AAMDC: variants seen among roughly 807,000 people sequenced by gnomAD.
AAMDC encodes the protein adipogenesis associated Mth938 domain containing, also known as mth938 domain-containing protein.
Under a neutral mutation model 15.5 loss-of-function variants are expected in AAMDC, and 16 were observed. The ratio of observed to expected loss-of-function variants is 1.03; its 90% CI spans 0.70 to 1.57. The LOEUF (loss-of-function observed/expected upper bound fraction) is 1.57. Among genes scored for constraint, AAMDC ranks in the 40% most tolerant of loss-of-function variants. The probability of loss-of-function intolerance (pLI) is 0.00; values close to 1 mark genes in which losing one functional copy is unlikely to be tolerated. For missense variants in AAMDC, 141 were observed against 144.9 expected, an observed-to-expected ratio of 0.97 and a Z score of 0.14; for synonymous variants, 51 against 51.6, an observed-to-expected ratio of 0.99 and a Z score of 0.05.
intron 5 of AAMDC, among the ~76,000 whole-genome samples, chr11:77,895,811 CA>C (rs1952493328): frequency 1.3e-5 from 2 of 152,068 alleles, no homozygotes; most frequent in South Asian, 4.2e-4. Flanking sequence ...CCCCAAACGT[CA>C]AAAAAGAGCA....
At chr11:77,857,122 A>G (rs1312756507) in intron 2 of AAMDC, among the ~76,000 whole-genome samples, 1 of 152,244 alleles carries the variant, frequency 6.6e-6, no homozygotes, top group African/African-American at 2.4e-5. Context: ...TCTTTAAGAT[A>G]AATCACCTTT....
chr11:77,821,182 T>A lies in AAMDC; in HGVS notation c.-78T>A. The A allele has an allele frequency of 2.8e-6, 1 of 357,842 alleles. No individual in the cohort carries two copies. The highest frequency in any genetic ancestry group is 5.0e-6 in the Non-Finnish European group (1 of 198,712). The allele number at this position is 357,842 out of a possible 1,614,324, so 22.2% of individuals were successfully genotyped here. A position where few individuals can be genotyped will look rare whatever the true frequency, so the allele number is the denominator to read the frequency against. The stretch of plus-strand genomic sequence containing the variant: ...AGATCCCGAAGCAGCGCTGGGAGCG[T>A]AAGTGCGGGCAGAGCACTGCGCCGT... On this transcript the variant is annotated 5_prime_UTR_variant, in exon 1 of 4. Transcript: ENST00000393427.
intron 5 of AAMDC, among the ~76,000 whole-genome samples, chr11:77,892,386 A>G (rs1952312251): frequency 6.6e-6 from 1 of 152,168 alleles, no homozygotes; most frequent in Non-Finnish European, 1.5e-5. Flanking sequence ...GTCAAAAAAT[A>G]TCTCACTGAG....
chr11:77,854,795 TG>T (rs1260469223), intron 2 of AAMDC, among the ~76,000 whole-genome samples: 1 of 152,188 alleles, frequency 6.6e-6, no homozygotes, highest in East Asian at 1.9e-4. Flanking sequence ...ACTGTCCCAG[TG>T]GGGACTCTGT....
rs377044804 is a variant in AAMDC at position 77,872,131 on chromosome 11, G to T, written c.229-44G>T. 7 of 1,589,654 alleles carry T rather than the reference G, an allele frequency of 4.4e-6. No individual in the cohort carries two copies. In the African/African-American group the frequency reaches 9.4e-5, roughly 21 times the overall value. On this transcript the variant is annotated intron_variant, in intron 3 of 3. Coordinates refer to ENST00000393427, the MANE Select transcript of AAMDC (RefSeq NM_024684.4). ...CTCATGGCAGTAAAGGAACCCCTGG[G>T]GGGCCTTTCCCCCTACTTACTCATC...
At chr11:77,834,316 C>G (rs1949580251) in intron 1 of AAMDC, among the ~76,000 whole-genome samples, 1 of 151,810 alleles carries the variant, frequency 6.6e-6, no homozygotes, top group South Asian at 2.1e-4. Context: ...TGCAAAGTTT[C>G]TACAGAAGTA....
chr11:77,893,214 T>A (rs1488475645), intron 5 of AAMDC, among the ~76,000 whole-genome samples: 1 of 152,242 alleles, frequency 6.6e-6, no homozygotes, highest in Non-Finnish European at 1.5e-5. Flanking sequence ...ACGGATTCAT[T>A]CCATATAAAA....
chr11:77,897,566 T>C (rs1472038364), intron 5 of AAMDC, among the ~76,000 whole-genome samples: 3 of 151,358 alleles, frequency 2.0e-5, no homozygotes, highest in Admixed American at 6.6e-5. Flanking sequence ...AGTGGTGGGA[T>C]CTCAGCTCAC....
rs72939416 is a variant in AAMDC at position 77,865,692 on chromosome 11, T to A, written c.133-4030T>A. Among the ~76,000 whole-genome samples, 504 of 152,364 alleles carry A rather than the reference T, an allele frequency of 3.3e-3. 1 individual carries two copies. The highest frequency in any genetic ancestry group is 3.6e-3 in the Non-Finnish European group (246 of 68,034). ...TTATGAGATGGGAGGGTAAGTTGGCTAGCAGACTTTTGGAAAAGATTTCCA... is the reference window on the plus strand; with the variant it reads ...TTATGAGATGGGAGGGTAAGTTGGCAAGCAGACTTTTGGAAAAGATTTCCA... On this transcript the variant is annotated intron_variant, in intron 2 of 3. Transcript: ENST00000393427.
intron 5 of AAMDC, among the ~76,000 whole-genome samples, chr11:77,896,808 G>GA (rs557401311): frequency 1.2e-3 from 164 of 142,580 alleles, no homozygotes; most frequent in Non-Finnish European, 2.0e-3. Context: ...AATAATGGAG[G>GA]AAAAAAAAAA....
intron 1 of AAMDC, among the ~76,000 whole-genome samples, chr11:77,826,644 A>G (rs1000675628): frequency 6.6e-6 from 1 of 152,148 alleles, no homozygotes; most frequent in Admixed American, 6.5e-5. Context: ...TCTGTCTCCA[A>G]CAACACCCAG....
chr11:77,865,801 T>C (rs141393940), intron 2 of AAMDC, among the ~76,000 whole-genome samples: 1 of 152,224 alleles, frequency 6.6e-6, no homozygotes, highest in South Asian at 2.1e-4. Context: ...TTGTATGAAA[T>C]GTTTCCTCTA....
At chr11:77,872,354 G>A (rs1413528854), downstream of AAMDC, 1 of 1,572,838 alleles carries the variant, frequency 6.4e-7, no homozygotes, top group African/African-American at 1.4e-5. Flanking sequence ...AAGTGCCTAT[G>A]CCTGTGACTG....
At chr11:77,826,037 C>A (rs1372805829) in intron 1 of AAMDC, among the ~76,000 whole-genome samples, 1 of 152,062 alleles carries the variant, frequency 6.6e-6, no homozygotes. Context: ...TCTGACAAGC[C>A]TGGCTAAGAT....
At chr11:77,851,373 G>C (rs772206223) in intron 2 of AAMDC, 24 of 152,214 alleles carry the variant, frequency 1.6e-4, no homozygotes, top group Non-Finnish European at 2.5e-4. Context: ...AGTTTCTTCT[G>C]CTCAAGACAG....
chr11:77,823,068 G>A (rs11237306), intron 1 of AAMDC, among the ~76,000 whole-genome samples: 1 of 151,978 alleles, frequency 6.6e-6, no homozygotes, highest in East Asian at 1.9e-4. Context: ...CAAAAAATTA[G>A]CCGGGCGTGG....
chr11:77,873,323 G>C (rs914579983), downstream of AAMDC, among the ~76,000 whole-genome samples: 1 of 152,142 alleles, frequency 6.6e-6, no homozygotes, highest in Non-Finnish European at 1.5e-5. Flanking sequence ...CTCACTGCAT[G>C]GCATTTAGTA....
intron 5 of AAMDC, among the ~76,000 whole-genome samples, chr11:77,898,995 G>A (rs755995515): frequency 5.3e-5 from 8 of 152,138 alleles, no homozygotes; most frequent in Non-Finnish European, 1.2e-4. Context: ...ACTCCAGCCT[G>A]GGTGATAGAG....
At chr11:77,850,175 A>G (rs1950314346) in intron 2 of AAMDC, among the ~76,000 whole-genome samples, 1 of 152,224 alleles carries the variant, frequency 6.6e-6, no homozygotes, top group African/African-American at 2.4e-5. Context: ...TTAGTTTAAA[A>G]AAGGACAGAG....
Sources: allele counts gnomAD v4.1 joint callset (sites outside exome capture counted in the v4.1 genomes callset), GRCh38; gene constraint gnomAD v4.1.1; transcripts MANE v1.5; gene names NCBI Gene and HGNC (gene_info 2026-07-23, HGNC 2026-07-21).